The following GDPD5 variants were observed in gnomAD, a reference collection of about 807,000 sequenced individuals.
GDPD5 encodes glycerophosphodiester phosphodiesterase domain containing 5, also known as glycerophosphodiester phosphodiesterase 2.
In GDPD5, 48 loss-of-function variants were observed where a neutral mutation model predicts 75.1. The observed-to-expected ratio is 0.64, with a 90% CI of 0.51 to 0.81. The LOEUF (loss-of-function observed/expected upper bound fraction) is 0.81. GDPD5 is among the 40% of genes least tolerant of loss of function. GDPD5 has a pLI of 0.00. For synonymous variants in GDPD5, 336 were observed against 339.0 expected (o/e 0.99, Z 0.10); for missense variants, 706 against 822.6 (o/e 0.86, Z 1.73).
intron 3 of GDPD5, 92 bp downstream of exon 3, chr11:75,477,527 G>A (rs903296212): frequency 7.6e-5 from 55 of 721,748 alleles, no homozygotes; most frequent in Admixed American, 1.6e-4. Context: ...TCCAGAGCGA[G>A]TCAGCAGAGA....
intron 2 of GDPD5, among the ~76,000 whole-genome samples, chr11:75,478,527 C>T (rs115088922): frequency 0.01 from 1,576 of 152,298 alleles, 29 homozygotes; most frequent in African/African-American, 0.036. Context: ...AAGCTCCTTC[C>T]CACATTCTCA....
chr11:75,503,222 T>C (rs1482601519), intron 1 of GDPD5, among the ~76,000 whole-genome samples: 1 of 152,120 alleles, frequency 6.6e-6, no homozygotes, highest in African/African-American at 2.4e-5. Flanking sequence ...GGTTTCATCA[T>C]GTTGGCCAGG....
intron 1 of GDPD5, among the ~76,000 whole-genome samples, chr11:75,498,100 G>A (rs144593657): frequency 5.5e-4 from 84 of 151,574 alleles, no homozygotes; most frequent in African/African-American, 1.9e-3. Flanking sequence ...GCTGGTGGAG[G>A]GGGGGCTGAC....
chr11:75,442,602 C>A (rs768808844), intron 11 of GDPD5, 21 bp from the exon 12 acceptor site: 1 of 1,609,580 alleles, frequency 6.2e-7, no homozygotes, highest in South Asian at 1.1e-5. Context: ...CAGGGACACA[C>A]ACATGGCTGC....
chr11:75,521,426 G>A (rs1310044961), intron 1 of GDPD5, among the ~76,000 whole-genome samples: 1 of 152,102 alleles, frequency 6.6e-6, no homozygotes, highest in Admixed American at 6.5e-5. Context: ...TGTGACCTCG[G>A]GCAAGATCAG....
At position 75,435,551 on chromosome 11, in the gene GDPD5, C is replaced by A. The variant is rs781609091; in HGVS notation, c.1774G>T (p.Gly592Cys). 3 of 1,613,140 alleles carry A rather than the reference C, an allele frequency of 1.9e-6. No homozygotes were observed. Among genetic ancestry groups the A allele is most frequent in the Non-Finnish European group, 2.5e-6 (3 of 1,179,610 alleles). Residue 592 changes from glycine (G) to cysteine (C), a missense_variant, in exon 17 of 17, where the codon GGT becomes TGT. By Grantham distance (159) the Gly-to-Cys change is radical (BLOSUM62 -3). Transcript: ENST00000336898. Reference sequence around the variant, plus strand: ...ATGAGGGTCTTGGTGTGGCTGCCACCCCCTCGGGGGCCCACAGGGGTGGCG... The same window carrying A: ...ATGAGGGTCTTGGTGTGGCTGCCACACCCTCGGGGGCCCACAGGGGTGGCG... ...STATPVGPRG[G>C]GSHTKTLIER...
chr11:75,466,543 C>T (rs897115125), intron 3 of GDPD5, among the ~76,000 whole-genome samples: 8 of 152,132 alleles, frequency 5.3e-5, no homozygotes, highest in Non-Finnish European at 1.0e-4. Context: ...GAGCAGTGAT[C>T]GCTGCCTCAA....
intron 2 of GDPD5, among the ~76,000 whole-genome samples, chr11:75,479,786 G>A (rs763484826): frequency 5.3e-5 from 8 of 152,066 alleles, no homozygotes; most frequent in Non-Finnish European, 7.4e-5. Context: ...TAGAGACCTC[G>A]TATAAATGGA....
At chr11:75,484,906 C>T (rs1434324758) in intron 2 of GDPD5, among the ~76,000 whole-genome samples, 4 of 152,116 alleles carry the variant, frequency 2.6e-5, no homozygotes, top group Non-Finnish European at 5.9e-5. Flanking sequence ...TGACAACCTT[C>T]CTGAGCAAAG....
In GDPD5 at chr11:75,449,867, G is replaced by C; in HGVS notation, c.474+18C>G. 1 of 1,602,204 alleles carries C rather than the reference G, an allele frequency of 6.2e-7. No individual in the cohort carries two copies. On this transcript the variant is annotated intron_variant, in intron 7 of 16. Transcript: ENST00000336898. Reference sequence around the variant, plus strand: ...AAGGCTCTTGTTGTGAGGGTCCTGGGGGACCCTCCTCACTCACCTGCAGGG... The same window carrying C: ...AAGGCTCTTGTTGTGAGGGTCCTGGCGGACCCTCCTCACTCACCTGCAGGG...
At chr11:75,447,807 A>G (rs1949025916) in intron 9 of GDPD5, among the ~76,000 whole-genome samples, 1 of 152,032 alleles carries the variant, frequency 6.6e-6, no homozygotes, top group Non-Finnish European at 1.5e-5. Flanking sequence ...ATTGGTCCTC[A>G]CAATAACCAG....
intron 3 of GDPD5, among the ~76,000 whole-genome samples, chr11:75,470,416 T>C (rs1282475887): frequency 6.6e-6 from 1 of 152,366 alleles, no homozygotes; most frequent in East Asian, 1.9e-4. Context: ...TTATACATTT[T>C]GCCTTTGGTA....
At chr11:75,449,184 G>T in intron 8 of GDPD5, 62 bp from the exon 9 acceptor site, 1 of 1,522,384 alleles carries the variant, frequency 6.6e-7, no homozygotes, top group East Asian at 2.5e-5. Context: ...GTGCAATGCT[G>T]GACCCCTCTA....
intron 1 of GDPD5, among the ~76,000 whole-genome samples, chr11:75,522,638 GAC>G (rs762472603): frequency 3.3e-5 from 5 of 152,094 alleles, no homozygotes; most frequent in Non-Finnish European, 7.4e-5. Context: ...GGGGCCAGAT[GAC>G]ACTTTCTCCC....
intron 2 of GDPD5, among the ~76,000 whole-genome samples, chr11:75,480,525 A>G (rs1949888143): frequency 6.6e-6 from 1 of 152,112 alleles, no homozygotes; most frequent in Non-Finnish European, 1.5e-5. Flanking sequence ...GGTAACTTTT[A>G]TGTTTAACCT....
chr11:75,473,647 G>A (rs951417703), intron 3 of GDPD5, among the ~76,000 whole-genome samples: 2 of 152,074 alleles, frequency 1.3e-5, no homozygotes, highest in African/African-American at 2.4e-5. Flanking sequence ...CCAGGATGAA[G>A]CCTAGACTCC....
intron 3 of GDPD5, among the ~76,000 whole-genome samples, chr11:75,467,423 G>A (rs927658999): frequency 2.6e-5 from 4 of 152,190 alleles, no homozygotes; most frequent in African/African-American, 9.7e-5. Flanking sequence ...GGCACAAGGT[G>A]GTGGTCACCT....
At chr11:75,484,921 A>T (rs375053733) in intron 2 of GDPD5, among the ~76,000 whole-genome samples, 1 of 152,152 alleles carries the variant, frequency 6.6e-6, no homozygotes, top group African/African-American at 2.4e-5. Flanking sequence ...GCAAAGGCCA[A>T]TGGTCTTAAC....
intron 2 of GDPD5, among the ~76,000 whole-genome samples, chr11:75,483,117 G>A (rs1394092439): frequency 1.3e-5 from 2 of 151,824 alleles, no homozygotes; most frequent in Non-Finnish European, 2.9e-5. Flanking sequence ...AGGTCCAATC[G>A]ATTTCTCCAA....
Sources: gnomAD v4.1 joint callset for allele counts (sites outside exome capture counted in the v4.1 genomes callset) on GRCh38, gnomAD v4.1.1 for gene constraint, MANE v1.5 for transcripts, NCBI Gene and HGNC (gene_info 2026-07-23, HGNC 2026-07-21) for gene names.